Variants in SPAG17 observed in about 807,000 individuals in gnomAD.
SPAG17 encodes the protein sperm associated antigen 17, also known as sperm-associated antigen 17.
Under a neutral mutation model 273.6 loss-of-function variants are expected in SPAG17, and 169 were observed. That is an observed-to-expected ratio of 0.62 (90% confidence interval 0.55 to 0.70). The LOEUF (loss-of-function observed/expected upper bound fraction) is 0.70. Among genes scored for constraint, SPAG17 ranks in the 30% least tolerant of loss-of-function variants. SPAG17 has a pLI of 0.00. For missense variants in SPAG17, 2,557 were observed against 2,627.8 expected, an observed-to-expected ratio of 0.97 and a Z score of 0.59; for synonymous variants, 825 against 873.2, an observed-to-expected ratio of 0.94 and a Z score of 0.97.
intron 41 of SPAG17, 28 bp from the exon 42 acceptor site, chr1:117,983,941 A>C: frequency 1.7e-6 from 2 of 1,208,808 alleles, no homozygotes; most frequent in Non-Finnish European, 2.4e-6. Context: ...CTTATTTTAG[A>C]CTTATACATG....
At chr1:118,148,092 T>C (rs972745839) in intron 3 of SPAG17, among the ~76,000 whole-genome samples, 1 of 152,212 alleles carries the variant, frequency 6.6e-6, no homozygotes, top group Non-Finnish European at 1.5e-5. Context: ...AAAGTTACCA[T>C]GTAACAAAAG....
chr1:118,137,824 T>C (rs181652330), intron 3 of SPAG17, among the ~76,000 whole-genome samples: 334 of 152,330 alleles, frequency 2.2e-3, no homozygotes, highest in African/African-American at 5.3e-3. Flanking sequence ...TTCTATCCAA[T>C]AGTCAATCCT....
At chr1:118,167,073 TTTA>T (rs771337880) in intron 1 of SPAG17, among the ~76,000 whole-genome samples, 1 of 152,196 alleles carries the variant, frequency 6.6e-6, no homozygotes, top group Non-Finnish European at 1.5e-5. Context: ...TTTTAATTAC[TTTA>T]TTGATACACT....
intron 30 of SPAG17, among the ~76,000 whole-genome samples, chr1:118,011,963 T>TTATA (rs60292020): frequency 2.0e-5 from 3 of 150,884 alleles, no homozygotes; most frequent in South Asian, 2.1e-4. Flanking sequence ...ATATTATTTA[T>TTATA]TATATATATA....
At position 118,173,131 on chromosome 1, in the gene SPAG17, TA is replaced by T. The variant is rs562691987; in HGVS notation, c.87+11939del. ...GCTCCAGTCCCTCTTTGCCCACCATTAAAAAAAAAAACCGTAGAGACTAACG... is the reference window on the plus strand; with the variant it reads ...GCTCCAGTCCCTCTTTGCCCACCATTAAAAAAAAAACCGTAGAGACTAACG... On this transcript the variant is annotated intron_variant, in intron 1 of 48. Coordinates refer to ENST00000336338, the MANE Select transcript of SPAG17 (RefSeq NM_206996.4). 1.7e-3 allele frequency among the ~76,000 whole-genome samples: 241 copies of T among 144,216 alleles called. 1 individual carries two copies. The highest frequency in any genetic ancestry group is 3.5e-3 in the African/African-American group (139 of 39,618). 94.6% of individuals were successfully genotyped at this position (144,216 alleles called of 152,430 possible). A position where few individuals can be genotyped will look rare whatever the true frequency, so the allele number is the denominator to read the frequency against.
intron 24 of SPAG17, among the ~76,000 whole-genome samples, chr1:118,035,390 A>C (rs1249001287): frequency 6.6e-6 from 1 of 152,182 alleles, no homozygotes; most frequent in Non-Finnish European, 1.5e-5. Context: ...AATAATGATA[A>C]CCTATATTAA....
intron 24 of SPAG17, chr1:118,036,559 A>G (rs975718187): frequency 2.0e-5 from 6 of 306,180 alleles, no homozygotes; most frequent in African/African-American, 1.3e-4. Context: ...GTATCTATGT[A>G]TAAAAGATTA....
intron 10 of SPAG17, among the ~76,000 whole-genome samples, chr1:118,091,373 T>C (rs1270711270): frequency 6.6e-6 from 1 of 152,218 alleles, no homozygotes; most frequent in Non-Finnish European, 1.5e-5. Context: ...GGATATGTTC[T>C]ACCAAAACTT....
At chr1:118,025,843 A>G (rs1647683600) in intron 26 of SPAG17, among the ~76,000 whole-genome samples, 1 of 152,186 alleles carries the variant, frequency 6.6e-6, no homozygotes, top group African/African-American at 2.4e-5. Context: ...TTTCCATGTT[A>G]TGACAGATGG....
At chr1:118,119,544 G>A (rs1040727666) in intron 3 of SPAG17, among the ~76,000 whole-genome samples, 3 of 152,188 alleles carry the variant, frequency 2.0e-5, no homozygotes, top group Non-Finnish European at 2.9e-5. Context: ...GGTGTTTATT[G>A]CAGTAACTGT....
chr1:118,119,256 T>C (rs988996323), intron 3 of SPAG17, among the ~76,000 whole-genome samples: 3 of 152,254 alleles, frequency 2.0e-5, no homozygotes, highest in African/African-American at 7.2e-5. Context: ...AGAAGTCATA[T>C]GAAGCAGCTT....
At chr1:118,074,947 C>A (rs1445164215) in intron 15 of SPAG17, among the ~76,000 whole-genome samples, 5 of 152,154 alleles carry the variant, frequency 3.3e-5, no homozygotes, top group Admixed American at 1.3e-4. Flanking sequence ...CTTCTTAGTA[C>A]ACATGATTTG....
intron 29 of SPAG17, among the ~76,000 whole-genome samples, chr1:118,012,623 G>A (rs564826664): frequency 6.6e-6 from 1 of 152,362 alleles, no homozygotes; most frequent in East Asian, 1.9e-4. Context: ...GTAAGTATCA[G>A]GGCATATTTG....
intron 17 of SPAG17, among the ~76,000 whole-genome samples, chr1:118,072,026 G>A (rs1273220669): frequency 4.6e-5 from 7 of 152,110 alleles, no homozygotes; most frequent in Non-Finnish European, 1.0e-4. Flanking sequence ...AGGAAATCAA[G>A]AGCATTGGAA....
At chr1:118,073,995 G>A (rs371346736) in intron 16 of SPAG17, 28 bp from the exon 17 acceptor site, 99 of 1,493,772 alleles carry the variant, frequency 6.6e-5, no homozygotes, top group African/African-American at 1.0e-4. Context: ...CACAATTTCA[G>A]CTTTAATTTG....
intron 6 of SPAG17, among the ~76,000 whole-genome samples, chr1:118,099,198 C>G (rs1483753965): frequency 6.6e-6 from 1 of 152,114 alleles, no homozygotes; most frequent in Non-Finnish European, 1.5e-5. Context: ...AATAGCAGAA[C>G]AGGGCAAGAA....
chr1:118,158,255 A>G (rs1015002242), intron 1 of SPAG17, among the ~76,000 whole-genome samples: 2 of 152,222 alleles, frequency 1.3e-5, no homozygotes, highest in South Asian at 2.1e-4. Flanking sequence ...CAAGTCTGCC[A>G]GAGACATTAA....
chr1:118,177,279 T>C (rs1166341789), intron 1 of SPAG17, among the ~76,000 whole-genome samples: 1 of 152,146 alleles, frequency 6.6e-6, no homozygotes. Context: ...CAAAGGCACA[T>C]CTTACATGGC....
intron 43 of SPAG17, among the ~76,000 whole-genome samples, chr1:117,977,102 G>A (rs1655219942): frequency 6.6e-6 from 1 of 151,536 alleles, no homozygotes; most frequent in Non-Finnish European, 1.5e-5. Context: ...CTGAGGTCAG[G>A]AGTTCGAGAC....
Sources: allele counts gnomAD v4.1 joint callset (sites outside exome capture counted in the v4.1 genomes callset), GRCh38; gene constraint gnomAD v4.1.1; transcripts MANE v1.5; gene names NCBI Gene and HGNC (gene_info 2026-07-23, HGNC 2026-07-21).